CABCOCO1: variants seen among roughly 807,000 people sequenced by gnomAD.
CABCOCO1 encodes the protein ciliary associated calcium binding coiled-coil 1.
Under a neutral mutation model 35.7 loss-of-function variants are expected in CABCOCO1, and 28 were observed. That is an observed-to-expected ratio of 0.78 (90% CI 0.58 to 1.07). The LOEUF (loss-of-function observed/expected upper bound fraction) is 1.07. Ranked by LOEUF, CABCOCO1 falls within the 50% of genes least tolerant of loss-of-function variation. The pLI, the probability that CABCOCO1 is intolerant of heterozygous loss-of-function variation, is 0.00. For synonymous variants in CABCOCO1, 95 were observed against 100.1 expected, an observed-to-expected ratio of 0.95 and a Z score of 0.30; for missense variants, 326 against 309.2, an observed-to-expected ratio of 1.05 and a Z score of -0.41.
chr10:61,737,525 T>C (rs539393353), intron 5 of CABCOCO1, among the ~76,000 whole-genome samples: 9 of 152,300 alleles, frequency 5.9e-5, no homozygotes, highest in African/African-American at 1.9e-4. Flanking sequence ...TGCAGCACTA[T>C]TCACAATAGC....
chr10:61,681,225 T>C lies in CABCOCO1; in HGVS notation c.247T>C (p.Phe83Leu). The change falls in exon 3 of 8, where the codon TTT (phenylalanine) becomes CTT (leucine). Residue 83 changes from phenylalanine to leucine, a missense_variant. Physicochemically the swap from Phe to Leu is conservative, Grantham distance 22 (BLOSUM62 0). Transcript: ENST00000648843. ...AILLDYYVSG[F>L]LWARGMDFSI... ...TCTACTAGATTATTATGTATCTGGA[T>C]TTTTGTGGGCTAGAGGAATGGATTT... 1.9e-6 allele frequency: 3 copies of C among 1,563,218 alleles called. No individual in the cohort carries two copies. Among genetic ancestry groups the C allele is most frequent in the Non-Finnish European group, 2.6e-6 (3 of 1,150,174 alleles).
chr10:61,719,648 G>A (rs1019693406), intron 5 of CABCOCO1, among the ~76,000 whole-genome samples: 5 of 152,034 alleles, frequency 3.3e-5, no homozygotes, highest in Non-Finnish European at 5.9e-5. Flanking sequence ...TCGGGCCGGC[G>A]CAGTGGCTCA....
At chr10:61,747,811 T>C (rs1841696092) in intron 5 of CABCOCO1, among the ~76,000 whole-genome samples, 1 of 152,182 alleles carries the variant, frequency 6.6e-6, no homozygotes, top group Admixed American at 6.6e-5. Flanking sequence ...TACTGGGAAG[T>C]TCCCTGAATC....
intron 5 of CABCOCO1, among the ~76,000 whole-genome samples, chr10:61,693,854 A>G (rs1479710965): frequency 3.3e-5 from 5 of 149,616 alleles, no homozygotes; most frequent in Non-Finnish European, 7.4e-5. Flanking sequence ...TATTCAAGAA[A>G]TAAATTGCAA....
intron 1 of CABCOCO1, among the ~76,000 whole-genome samples, chr10:61,670,450 G>A (rs1030157012): frequency 6.6e-5 from 10 of 152,062 alleles, no homozygotes; most frequent in African/African-American, 2.4e-4. Flanking sequence ...TAATAATGTA[G>A]CATATTTTAT....
At chr10:61,760,222 T>C (rs1377375672) in intron 6 of CABCOCO1, 41 bp downstream of exon 6, 4 of 1,592,848 alleles carry the variant, frequency 2.5e-6, no homozygotes, top group Admixed American at 1.7e-5. Flanking sequence ...TACCTCATCA[T>C]TATATTCTCT....
intron 5 of CABCOCO1, among the ~76,000 whole-genome samples, chr10:61,741,042 G>A (rs984318683): frequency 6.6e-6 from 1 of 152,186 alleles, no homozygotes; most frequent in Non-Finnish European, 1.5e-5. Flanking sequence ...TACTCGGGAG[G>A]CTGAGGCAAG....
intron 5 of CABCOCO1, among the ~76,000 whole-genome samples, chr10:61,707,632 TG>T (rs1840625393): frequency 1.3e-5 from 2 of 152,026 alleles, no homozygotes; most frequent in Non-Finnish European, 2.9e-5. Context: ...GGATGAAGAG[TG>T]TGCTAAAGGG....
intron 5 of CABCOCO1, among the ~76,000 whole-genome samples, chr10:61,707,196 C>G (rs1220346388): frequency 6.6e-6 from 1 of 152,076 alleles, no homozygotes; most frequent in African/African-American, 2.4e-5. Flanking sequence ...CATGACCGAG[C>G]ATTGACTGTA....
At chr10:61,740,000 G>A (rs1841514552) in intron 5 of CABCOCO1, among the ~76,000 whole-genome samples, 1 of 152,160 alleles carries the variant, frequency 6.6e-6, no homozygotes, top group Admixed American at 6.5e-5. Context: ...GGATATAAAC[G>A]ACTTGAGAAG....
At chr10:61,757,435 G>A (rs148205435) in intron 5 of CABCOCO1, among the ~76,000 whole-genome samples, 2 of 151,948 alleles carry the variant, frequency 1.3e-5, no homozygotes, top group Admixed American at 1.3e-4. Flanking sequence ...CTTCATAAAG[G>A]AGAAAAACTG....
chr10:61,674,102 A>T (rs1839439535), intron 2 of CABCOCO1, among the ~76,000 whole-genome samples: 1 of 152,186 alleles, frequency 6.6e-6, no homozygotes. Flanking sequence ...AAATACAATT[A>T]ATATTAAATA....
chr10:61,760,798 G>C, intron 6 of CABCOCO1, 65 bp from the exon 7 acceptor site: 4 of 1,498,790 alleles, frequency 2.7e-6, no homozygotes, highest in Admixed American at 4.4e-5. Context: ...AGAAGTTTTA[G>C]GTTCCATATA....
intron 5 of CABCOCO1, chr10:61,701,813 C>T (rs1053256101): frequency 1.5e-5 from 15 of 981,588 alleles, no homozygotes; most frequent in Non-Finnish European, 1.8e-5. Context: ...AGACCAGAGG[C>T]CTCTGAAAAA....
In CABCOCO1 at chr10:61,678,474, A is replaced by C. The variant is rs1359532441; in HGVS notation, c.165-2669A>C. On this transcript the variant is annotated intron_variant, in intron 2 of 7. Transcript: ENST00000648843. ...GTGAATGCCTGAAAAAATGTGTCAA[A>C]ATGTATAGTGACATGCAACATAAAA... is the stretch of plus-strand genomic sequence containing the variant. Among the ~76,000 whole-genome samples, 6 of 152,130 alleles carry C rather than the reference A, an allele frequency of 3.9e-5. No individual in the cohort carries two copies. The South Asian group carries it at 6.2e-4, about 16-fold the overall frequency.
intron 5 of CABCOCO1, 88 bp from the exon 6 acceptor site, chr10:61,759,971 A>C: frequency 1.3e-6 from 2 of 1,491,538 alleles, no homozygotes; most frequent in Non-Finnish European, 1.8e-6. Flanking sequence ...ACAGACTTGG[A>C]ACTATGGTAC....
intron 7 of CABCOCO1, among the ~76,000 whole-genome samples, chr10:61,764,019 C>T (rs1378977805): frequency 6.6e-6 from 1 of 152,046 alleles, no homozygotes; most frequent in Non-Finnish European, 1.5e-5. Flanking sequence ...ACTCTCTTAG[C>T]TGCCCCTTCA....
At position 61,672,748 on chromosome 10, in the gene CABCOCO1, C is replaced by T. The variant is rs1839398025; in HGVS notation, c.164+13C>T. ...ATGGAGTTCAAGAGTAAGCACTTCA[C>T]TATTACAATCACATGTAGAAGAACA... On this transcript the variant is annotated intron_variant, in intron 2 of 7. Transcript: ENST00000648843. 2.0e-6 allele frequency: 2 copies of T among 984,342 alleles called. No homozygotes were observed. Among genetic ancestry groups the T allele is most frequent in the African/African-American group, 1.7e-5 (1 of 57,196 alleles). 61.0% of individuals were successfully genotyped at this position (984,342 alleles called of 1,614,324 possible).
At chr10:61,710,483 A>G (rs1380304874) in intron 5 of CABCOCO1, among the ~76,000 whole-genome samples, 1 of 151,962 alleles carries the variant, frequency 6.6e-6, no homozygotes, top group Non-Finnish European at 1.5e-5. Flanking sequence ...AAAATAGTGG[A>G]AATATGTTAA....
Sources: allele counts gnomAD v4.1 joint callset (sites outside exome capture counted in the v4.1 genomes callset), GRCh38; gene constraint gnomAD v4.1.1; transcripts MANE v1.5; gene names NCBI Gene and HGNC (gene_info 2026-07-23, HGNC 2026-07-21).